The following TAF4B variants were observed in gnomAD, a reference collection of about 807,000 sequenced individuals.
TAF4B encodes transcription initiation factor TFIID subunit 4B.
TAF4B carries 38 observed loss-of-function variants against 86.4 expected under a neutral mutation model. The observed-to-expected ratio is 0.44, with a 90% CI of 0.34 to 0.58. The LOEUF (loss-of-function observed/expected upper bound fraction) is 0.58. Ranked by LOEUF, TAF4B falls within the 20% of genes least tolerant of loss-of-function variation. The probability of loss-of-function intolerance (pLI) is 0.02; values close to 1 mark genes in which losing one functional copy is unlikely to be tolerated. For synonymous variants in TAF4B, 388 were observed against 391.2 expected, an observed-to-expected ratio of 0.99 and a Z score of 0.10; for missense variants, 988 against 1,027.6, an observed-to-expected ratio of 0.96 and a Z score of 0.53.
At chr18:26,285,375 A>G (rs1459243151) in intron 6 of TAF4B, among the ~76,000 whole-genome samples, 1 of 151,294 alleles carries the variant, frequency 6.6e-6, no homozygotes. Context: ...TTTTGTATAG[A>G]TGGGGTTTTG....
rs564450997 is a variant in TAF4B, at chr18:26,230,387, C to T, written c.343+3111C>T. On this transcript the variant is annotated intron_variant, in intron 1 of 14. Coordinates refer to ENST00000269142, the MANE Select transcript of TAF4B (RefSeq NM_005640.3). ...TCTTGATCCAGTCCTTGGATAAGTT[C>T]TTTGTTTCCACTCTGGCTTTATCAA... Among the ~76,000 whole-genome samples, 451 of 152,318 alleles carry T rather than the reference C, an allele frequency of 3.0e-3. 1 individual carries two copies. The highest frequency in any genetic ancestry group is 5.0e-3 in the Non-Finnish European group (342 of 68,024).
Position 26,390,251 on chromosome 18 carries a change from C to T in TAF4B, c.*239C>T. The T allele has an allele frequency of 2.5e-6, 1 of 399,690 alleles. No individual in the cohort carries two copies. Among genetic ancestry groups the T allele is most frequent in the South Asian group, 6.8e-5 (1 of 14,668 alleles). 24.8% of individuals were successfully genotyped at this position (399,690 alleles called of 1,614,324 possible). ...ATACACTTTGCACAGAATTAGGCAT[C>T]TGCCTATCTGTGCATTAAATTAAAG... On this transcript the variant is annotated 3_prime_UTR_variant, in exon 15 of 15. Coordinates refer to ENST00000269142, the MANE Select transcript of TAF4B (RefSeq NM_005640.3).
intron 9 of TAF4B, among the ~76,000 whole-genome samples, chr18:26,310,496 G>C (rs2056842876): frequency 6.6e-6 from 1 of 152,158 alleles, no homozygotes; most frequent in African/African-American, 2.4e-5. Context: ...GAATAAGCAG[G>C]ATATTGTGTG....
In TAF4B at chr18:26,315,337, G is replaced by T. The variant is rs371571286; in HGVS notation, c.1941G>T (p.Gln647His). The change falls in exon 10 of 15, where the codon CAG (glutamine) becomes CAT (histidine). Residue 647 changes from glutamine to histidine, a missense_variant. Physicochemically the swap from Gln to His is conservative, Grantham distance 24 (BLOSUM62 0). Coordinates refer to ENST00000269142, the MANE Select transcript of TAF4B (RefSeq NM_005640.3). ...TNSELVGTLIQSCKDEPFLFI... is the reference protein window; with the variant it reads ...TNSELVGTLIHSCKDEPFLFI... ...CTGAATTGGTTGGCACACTCATTCA[G>T]TCATGTAAAGATGAACCATTTCTTT... 1.9e-6 allele frequency: 3 copies of T among 1,613,516 alleles called. No homozygotes were observed. In the Admixed American group the frequency reaches 5.0e-5, roughly 27 times the overall value.
chr18:26,289,474 T>C (rs1598763049), intron 7 of TAF4B, among the ~76,000 whole-genome samples: 1 of 152,004 alleles, frequency 6.6e-6, no homozygotes, highest in East Asian at 1.9e-4. Context: ...GTTTTGTTTG[T>C]TTTGTTTTGT....
chr18:26,230,444 C>T (rs1256238016), intron 1 of TAF4B, among the ~76,000 whole-genome samples: 1 of 152,206 alleles, frequency 6.6e-6, no homozygotes, highest in Non-Finnish European at 1.5e-5. Flanking sequence ...ATCACTTCCA[C>T]AGTTGTCACA....
At chr18:26,380,146 C>T (rs887546792) in intron 14 of TAF4B, among the ~76,000 whole-genome samples, 2 of 152,042 alleles carry the variant, frequency 1.3e-5, no homozygotes, top group Admixed American at 1.3e-4. Context: ...TTTTTATTTT[C>T]TTTTCTTGCC....
intron 5 of TAF4B, among the ~76,000 whole-genome samples, chr18:26,276,673 C>G (rs9945134): frequency 0.08 from 12,236 of 152,106 alleles, 1,524 homozygotes; most frequent in African/African-American, 0.27. Context: ...ATACCTCATA[C>G]TAACAAATTT....
chr18:26,260,705 T>C (rs547457909), intron 1 of TAF4B, among the ~76,000 whole-genome samples: 1 of 149,968 alleles, frequency 6.7e-6, no homozygotes, highest in Non-Finnish European at 1.5e-5. Context: ...CCAAGTTTGC[T>C]GATCTTTCTT....
At chr18:26,353,350 T>TG (rs2057260163) in intron 13 of TAF4B, among the ~76,000 whole-genome samples, 1 of 152,244 alleles carries the variant, frequency 6.6e-6, no homozygotes. Context: ...AGAAACACCA[T>TG]GTGATCCTAT....
chr18:26,255,929 G>A (rs1276685163), intron 1 of TAF4B: 2 of 1,270,228 alleles, frequency 1.6e-6, no homozygotes, highest in African/African-American at 1.5e-5. Flanking sequence ...CTGTATCTGA[G>A]CCGTCATCTG....
At chr18:26,267,669 T>A in intron 3 of TAF4B, 46 bp downstream of exon 3, 2 of 1,366,828 alleles carry the variant, frequency 1.5e-6, no homozygotes, top group Non-Finnish European at 1.0e-6. Flanking sequence ...TCTTAACTTT[T>A]AAAAAAATCA....
At chr18:26,355,161 A>T (rs1225222177) in intron 13 of TAF4B, among the ~76,000 whole-genome samples, 1 of 152,224 alleles carries the variant, frequency 6.6e-6, no homozygotes, top group Non-Finnish European at 1.5e-5. Context: ...AATGACATTT[A>T]AAAATTTTAA....
chr18:26,297,300 C>T (rs182052664), intron 9 of TAF4B, among the ~76,000 whole-genome samples: 18 of 152,216 alleles, frequency 1.2e-4, no homozygotes, highest in Non-Finnish European at 2.2e-4. Context: ...AAATCCTCTT[C>T]GAGAAAATTC....
intron 5 of TAF4B, among the ~76,000 whole-genome samples, chr18:26,281,255 T>TA (rs1222836097): frequency 2.6e-5 from 4 of 151,346 alleles, no homozygotes; most frequent in Admixed American, 2.0e-4. Context: ...CTCTTGAATC[T>TA]AAAATAAAAG....
chr18:26,275,074 C>G (rs2056368032), intron 5 of TAF4B, 21 bp downstream of exon 5: 1 of 1,587,134 alleles, frequency 6.3e-7, no homozygotes, highest in Admixed American at 1.9e-5. Flanking sequence ...CTATAAAATC[C>G]TGCAAATTCT....
chr18:26,388,114 G>A (rs1978484026), intron 14 of TAF4B, among the ~76,000 whole-genome samples: 1 of 152,210 alleles, frequency 6.6e-6, no homozygotes, highest in Non-Finnish European at 1.5e-5. Flanking sequence ...ATAAAAGAGA[G>A]TTGCCAGTCC....
intron 14 of TAF4B, among the ~76,000 whole-genome samples, chr18:26,368,873 T>C (rs1472785271): frequency 6.6e-6 from 1 of 152,200 alleles, no homozygotes; most frequent in Non-Finnish European, 1.5e-5. Flanking sequence ...GGACTTACTA[T>C]GAAATATGTT....
chr18:26,390,514 T>G lies in TAF4B; in HGVS notation c.*502T>G, dbSNP rs1567936711. ...ACCCTCTGTACGTGACAGGCCACTG[T>G]GGTGACTTTGGTCGGCTGAGTTCCA... On this transcript the variant is annotated 3_prime_UTR_variant, in exon 15 of 15. Transcript: ENST00000269142. The G allele has an allele frequency of 6.6e-6, 1 of 152,330 alleles. No individual in the cohort carries two copies. Among genetic ancestry groups the G allele is most frequent in the Non-Finnish European group, 1.5e-5 (1 of 68,154 alleles). The allele number at this position is 152,330 out of a possible 1,614,324, so 9.4% of individuals were successfully genotyped here. A position where few individuals can be genotyped will look rare whatever the true frequency, so the allele number is the denominator to read the frequency against.
Sources: gnomAD v4.1 joint callset for allele counts (sites outside exome capture counted in the v4.1 genomes callset) on GRCh38, gnomAD v4.1.1 for gene constraint, MANE v1.5 for transcripts, NCBI Gene and HGNC (gene_info 2026-07-23, HGNC 2026-07-21) for gene names.